UBAC1: variants seen among roughly 807,000 people sequenced by gnomAD.
The protein encoded by UBAC1 is UBA domain containing 1, also known as ubiquitin-associated domain-containing protein 1.
Under a neutral mutation model 45.9 loss-of-function variants are expected in UBAC1, and 27 were observed. That is an observed-to-expected ratio of 0.59 (90% confidence interval 0.43 to 0.81). UBAC1 has a LOEUF of 0.81. Ranked by LOEUF, UBAC1 falls within the 30% of genes least tolerant of loss-of-function variation. The pLI is 0.00. For missense variants in UBAC1, 529 were observed against 539.2 expected, an observed-to-expected ratio of 0.98 and a Z score of 0.19; for synonymous variants, 227 against 215.5, an observed-to-expected ratio of 1.05 and a Z score of -0.47.
intron 8 of UBAC1, among the ~76,000 whole-genome samples, chr9:135,939,242 C>T (rs1839237630): frequency 6.6e-6 from 1 of 151,936 alleles, no homozygotes; most frequent in African/African-American, 2.4e-5. Context: ...AATTACCCAT[C>T]CATAAAATAT....
Position 135,935,478 on chromosome 9 carries a change from TCAA to T in UBAC1, c.1103-1966_1103-1964del, listed in dbSNP as rs903471261. On this transcript the variant is annotated intron_variant, in intron 9 of 9. Coordinates refer to ENST00000371756, the MANE Select transcript of UBAC1 (RefSeq NM_016172.3). ...CTGAGCAAAAAAACGAGACCCCATC[TCAA>T]CAACAACAAAAAAAATAGCTGGGCA... Among the ~76,000 whole-genome samples the T allele has an allele frequency of 3.3e-5, 5 of 152,038 alleles. No individual in the cohort carries two copies. In the South Asian group the frequency reaches 1.0e-3, roughly 32 times the overall value.
chr9:135,947,770 C>T (rs777339804), intron 4 of UBAC1, 28 bp downstream of exon 4: 1 of 1,594,882 alleles, frequency 6.3e-7, no homozygotes, highest in South Asian at 1.1e-5. Context: ...ACCCCATGCA[C>T]CCGCCGCCGC....
chr9:135,949,630 T>C (rs1839382458), intron 3 of UBAC1, among the ~76,000 whole-genome samples: 1 of 152,150 alleles, frequency 6.6e-6, no homozygotes, highest in South Asian at 2.1e-4. Context: ...TCCAGACAGT[T>C]TCCCCTCCTG....
chr9:135,936,538 C>T (rs1041823847), intron 9 of UBAC1, among the ~76,000 whole-genome samples: 17 of 151,540 alleles, frequency 1.1e-4, no homozygotes, highest in Non-Finnish European at 2.2e-4. Context: ...CTCTGACGCC[C>T]AGGCTAGAGT....
intron 9 of UBAC1, among the ~76,000 whole-genome samples, chr9:135,936,953 G>A (rs977899497): frequency 6.6e-6 from 1 of 152,228 alleles, no homozygotes; most frequent in Non-Finnish European, 1.5e-5. Context: ...CATCCAGGAG[G>A]TGAGGACCTT....
intron 9 of UBAC1, among the ~76,000 whole-genome samples, chr9:135,934,090 GTGAAGGA>G (rs1439467191): frequency 6.6e-6 from 1 of 152,228 alleles, no homozygotes; most frequent in African/African-American, 2.4e-5. Flanking sequence ...TCCACCCACT[GTGAAGGA>G]GCACGCGTTC....
At chr9:135,958,310 G>C (rs1367517564) in intron 1 of UBAC1, among the ~76,000 whole-genome samples, 3 of 152,264 alleles carry the variant, frequency 2.0e-5, no homozygotes, top group East Asian at 1.9e-4. Context: ...GCCTCCCAAA[G>C]TACTGGGATT....
intron 1 of UBAC1, among the ~76,000 whole-genome samples, chr9:135,959,064 TA>T (rs1839501068): frequency 6.6e-6 from 1 of 152,162 alleles, no homozygotes; most frequent in African/African-American, 2.4e-5. Flanking sequence ...AATTCATGAG[TA>T]GGTATCTGTG....
At chr9:135,947,962 A>G (rs1839358338) in intron 3 of UBAC1, 57 bp from the exon 4 acceptor site, 17 of 1,503,024 alleles carry the variant, frequency 1.1e-5, no homozygotes, top group East Asian at 2.3e-5. Context: ...CAAAAAGACG[A>G]TGACAACTGA....
intron 3 of UBAC1, among the ~76,000 whole-genome samples, chr9:135,952,854 C>T (rs748419066): frequency 1.3e-5 from 2 of 152,222 alleles, no homozygotes; most frequent in East Asian, 1.9e-4. Flanking sequence ...TTTCAGACTG[C>T]GCTGCATTTC....
chr9:135,940,898 C>G (rs1839262789), intron 7 of UBAC1, among the ~76,000 whole-genome samples: 1 of 152,210 alleles, frequency 6.6e-6, no homozygotes, highest in Non-Finnish European at 1.5e-5. Flanking sequence ...GTTTTCCGGC[C>G]ACCATAAGGT....
intron 3 of UBAC1, among the ~76,000 whole-genome samples, chr9:135,948,888 G>A (rs1354427795): frequency 6.6e-6 from 1 of 152,122 alleles, no homozygotes; most frequent in Non-Finnish European, 1.5e-5. Flanking sequence ...TGGCCAACAT[G>A]GTGAAACCCC....
At chr9:135,936,379 C>G (rs1462803904) in intron 9 of UBAC1, among the ~76,000 whole-genome samples, 1 of 152,070 alleles carries the variant, frequency 6.6e-6, no homozygotes, top group African/African-American at 2.4e-5. Flanking sequence ...CTACCTCACA[C>G]CACACACATA....
In UBAC1 at chr9:135,939,411, C is replaced by A. The variant is rs551681753; in HGVS notation, c.963+262G>T. Among the ~76,000 whole-genome samples the A allele has an allele frequency of 4.6e-5, 7 of 152,270 alleles. No homozygotes were observed. In the East Asian group the frequency reaches 1.3e-3, roughly 29 times the overall value. ...GCCTCCACCACGCCCGGGGCGCTCA[C>A]GAGTGAGGCTCCCAGCACTCGCCCA... is the stretch of plus-strand genomic sequence containing the variant. On this transcript the variant is annotated intron_variant, in intron 8 of 9. Transcript: ENST00000371756.
At position 135,945,298 on chromosome 9, in the gene UBAC1, G is replaced by C. The variant is rs902808683; in HGVS notation, c.654-48C>G. The C allele has an allele frequency of 2.7e-6, 4 of 1,465,260 alleles. No individual in the cohort carries two copies. The African/African-American group carries it at 5.7e-5, about 21-fold the overall frequency. 90.8% of individuals were successfully genotyped at this position (1,465,260 alleles called of 1,614,324 possible). A position where few individuals can be genotyped will look rare whatever the true frequency, so the allele number is the denominator to read the frequency against. ...CAACATCCCCAGACTAACGGACCAG[G>C]GCCTTCGCCTCCTGTCCATTCCCAA... On this transcript the variant is annotated intron_variant, in intron 6 of 9. Coordinates refer to ENST00000371756, the MANE Select transcript of UBAC1 (RefSeq NM_016172.3).
intron 2 of UBAC1, 47 bp downstream of exon 2, chr9:135,955,248 C>A: frequency 6.7e-7 from 1 of 1,491,104 alleles, no homozygotes; most frequent in Non-Finnish European, 8.9e-7. Context: ...GCGCCCCCAG[C>A]AGTGCACGAT....
chr9:135,948,480 G>C (rs574010351), intron 3 of UBAC1, among the ~76,000 whole-genome samples: 1 of 152,362 alleles, frequency 6.6e-6, no homozygotes, highest in African/African-American at 2.4e-5. Context: ...GAACTGCATC[G>C]GTGGCAGGGG....
Position 135,946,158 on chromosome 9 carries a change from G to A in UBAC1, c.544+111C>T, listed in dbSNP as rs575807965. On this transcript the variant is annotated intron_variant, in intron 5 of 9. Transcript: ENST00000371756. ...AGGCAGGCCCCAGGCCCTCATCAGC[G>A]CTTCCATAAAGCACTGAGGTTCCGG... The A allele has an allele frequency of 7.7e-5, 80 of 1,037,120 alleles. No homozygotes were observed. The South Asian group carries it at 9.0e-4, about 12-fold the overall frequency. The allele number at this position is 1,037,120 out of a possible 1,614,324, so 64.2% of individuals were successfully genotyped here.
intron 1 of UBAC1, among the ~76,000 whole-genome samples, chr9:135,960,329 C>G (rs1839517905): frequency 6.6e-6 from 1 of 152,162 alleles, no homozygotes; most frequent in Non-Finnish European, 1.5e-5. Context: ...GGTGAATAAA[C>G]TTTAAAAAGT....
Sources: allele counts gnomAD v4.1 joint callset (sites outside exome capture counted in the v4.1 genomes callset), GRCh38; gene constraint gnomAD v4.1.1; transcripts MANE v1.5; gene names NCBI Gene and HGNC (gene_info 2026-07-23, HGNC 2026-07-21).